Variants in HPSE2 observed in about 807,000 individuals in gnomAD.
The protein encoded by HPSE2 is inactive heparanase-2.
A neutral mutation model predicts 60.5 loss-of-function variants in HPSE2; 38 were observed. The ratio of observed to expected loss-of-function variants is 0.63; its 90% confidence interval spans 0.48 to 0.82. The LOEUF (loss-of-function observed/expected upper bound fraction) is 0.82, where lower values mean the gene tolerates loss of function less well. Ranked by LOEUF, HPSE2 falls within the 40% of genes least tolerant of loss-of-function variation. HPSE2 has a pLI of 0.00. For missense variants in HPSE2, 713 were observed against 740.4 expected (o/e 0.96, Z 0.43); for synonymous variants, 295 against 293.2 (o/e 1.01, Z -0.06).
intron 3 of HPSE2, among the ~76,000 whole-genome samples, chr10:98,866,215 A>G (rs142852345): frequency 8.3e-4 from 126 of 152,280 alleles, no homozygotes; most frequent in Non-Finnish European, 1.6e-3. Context: ...TGAAATCTAC[A>G]ATGTGTGAGA....
At chr10:99,021,101 A>G (rs1475479080) in intron 3 of HPSE2, among the ~76,000 whole-genome samples, 1 of 152,208 alleles carries the variant, frequency 6.6e-6, no homozygotes, top group Non-Finnish European at 1.5e-5. Flanking sequence ...AAAGCTTTAC[A>G]GTTTACACAC....
intron 3 of HPSE2, among the ~76,000 whole-genome samples, chr10:98,994,146 G>A (rs554072900): frequency 6.6e-6 from 1 of 152,284 alleles, no homozygotes; most frequent in South Asian, 2.1e-4. Context: ...TCAGCCTGAG[G>A]GTGGGGAAAA....
chr10:98,851,766 C>T (rs553998156), intron 3 of HPSE2, among the ~76,000 whole-genome samples: 8 of 152,252 alleles, frequency 5.3e-5, no homozygotes, highest in South Asian at 4.1e-4. Context: ...CTTCCACCTC[C>T]AAGAAAGTTT....
intron 3 of HPSE2, among the ~76,000 whole-genome samples, chr10:98,918,605 C>T (rs1458999162): frequency 1.4e-5 from 2 of 144,500 alleles, no homozygotes; most frequent in Non-Finnish European, 3.0e-5. Flanking sequence ...CGCATGTTCT[C>T]ACTCATAGAT....
intron 3 of HPSE2, among the ~76,000 whole-genome samples, chr10:99,006,738 C>G (rs538010943): frequency 1.6e-4 from 24 of 152,300 alleles, no homozygotes; most frequent in South Asian, 2.1e-4. Flanking sequence ...CTATGTCATG[C>G]CTGAAACCCA....
chr10:98,967,469 A>G (rs886152066), intron 3 of HPSE2, among the ~76,000 whole-genome samples: 2 of 152,190 alleles, frequency 1.3e-5, no homozygotes, highest in Non-Finnish European at 2.9e-5. Flanking sequence ...GCACAAATAT[A>G]AACTCTTTCT....
intron 3 of HPSE2, among the ~76,000 whole-genome samples, chr10:98,844,490 C>T (rs1430002660): frequency 6.6e-6 from 1 of 152,070 alleles, no homozygotes; most frequent in Admixed American, 6.6e-5. Flanking sequence ...AGAATTTGGA[C>T]CTTTGTCAAT....
chr10:98,761,963 T>G (rs1213526107), intron 3 of HPSE2, among the ~76,000 whole-genome samples: 1 of 151,762 alleles, frequency 6.6e-6, no homozygotes, highest in Non-Finnish European at 1.5e-5. Flanking sequence ...TTGAGAATAC[T>G]CATTTACCTT....
chr10:99,259,112 C>A, the HPSE2 span, among the ~76,000 whole-genome samples: 1 of 152,086 alleles, frequency 6.6e-6, no homozygotes, highest in Non-Finnish European at 1.5e-5. Context: ...TCAAGACCAG[C>A]CCGACCAACA....
chr10:98,600,920 T>TAC (rs1281774715), intron 9 of HPSE2, among the ~76,000 whole-genome samples: 3 of 43,856 alleles, frequency 6.8e-5, no homozygotes, highest in Middle Eastern at 0.012. Context: ...TGTATATATA[T>TAC]ATATATATAT....
At chr10:98,716,456 A>C (rs928395411) in intron 5 of HPSE2, among the ~76,000 whole-genome samples, 1 of 151,212 alleles carries the variant, frequency 6.6e-6, no homozygotes, top group Non-Finnish European at 1.5e-5. Flanking sequence ...TAAATAAATA[A>C]ATAAATAAAT....
intron 3 of HPSE2, among the ~76,000 whole-genome samples, chr10:99,033,700 G>A (rs772420952): frequency 5.9e-5 from 9 of 151,836 alleles, no homozygotes; most frequent in Admixed American, 1.3e-4. Context: ...GGAGAATAGC[G>A]TGAACCCAGG....
intron 9 of HPSE2, among the ~76,000 whole-genome samples, chr10:98,580,764 T>G (rs1181800268): frequency 3.3e-5 from 5 of 150,742 alleles, no homozygotes; most frequent in Non-Finnish European, 7.4e-5. Context: ...CTGAGCTGAA[T>G]ACCTATCAAG....
At chr10:99,045,549 A>C (rs879692061) in intron 3 of HPSE2, among the ~76,000 whole-genome samples, 1 of 152,104 alleles carries the variant, frequency 6.6e-6, no homozygotes, top group East Asian at 1.9e-4. Context: ...GAAGACAAGA[A>C]TTCATTCTCC....
At position 98,521,077 on chromosome 10, in the gene HPSE2, T is replaced by G. The variant is rs185657827; in HGVS notation, c.1321-30881A>C. Among the ~76,000 whole-genome samples, 721 of 152,348 alleles carry G rather than the reference T, an allele frequency of 4.7e-3. 8 individuals carry two copies. Among genetic ancestry groups the G allele is most frequent in the African/African-American group, 0.016 (682 of 41,574 alleles). ...GGCAATACCATTGAGGACATTGGCA[T>G]GGGCAAGGACTTCATGTCTAAAACA... On this transcript the variant is annotated intron_variant, in intron 9 of 11. Coordinates refer to ENST00000370552, the MANE Select transcript of HPSE2 (RefSeq NM_021828.5).
chr10:98,485,524 T>A (rs185037609), intron 10 of HPSE2, among the ~76,000 whole-genome samples: 1 of 152,312 alleles, frequency 6.6e-6, no homozygotes, highest in African/African-American at 2.4e-5. Context: ...CAGAAGAGAA[T>A]GCCAGTTGAT....
At chr10:98,822,281 G>A (rs1454201105) in intron 3 of HPSE2, among the ~76,000 whole-genome samples, 3 of 151,936 alleles carry the variant, frequency 2.0e-5, no homozygotes, top group African/African-American at 7.3e-5. Flanking sequence ...TTTGGCAAAT[G>A]GATTTCATTC....
intron 3 of HPSE2, among the ~76,000 whole-genome samples, chr10:98,755,922 G>A (rs979786766): frequency 3.3e-5 from 5 of 152,152 alleles, no homozygotes; most frequent in Admixed American, 6.5e-5. Context: ...CTTGAACCAG[G>A]GAGTTGGAGG....
rs7078552 is a variant in HPSE2, at chr10:99,171,401, T to C, written c.449-27002A>G. Among the ~76,000 whole-genome samples the C allele has an allele frequency of 1.8e-3, 269 of 152,086 alleles. 2 individuals are homozygous for C. The highest frequency in any genetic ancestry group is 6.3e-3 in the African/African-American group (261 of 41,492). ...AGTCTGGAGAAGCCCTCATGGAAGA[T>C]GAACTCAGCCATAAAGACAGAATTT... On this transcript the variant is annotated intron_variant, in intron 2 of 11. Coordinates refer to ENST00000370552, the MANE Select transcript of HPSE2 (RefSeq NM_021828.5).
Sources: allele counts gnomAD v4.1 joint callset (sites outside exome capture counted in the v4.1 genomes callset), GRCh38; gene constraint gnomAD v4.1.1; transcripts MANE v1.5; gene names NCBI Gene and HGNC (gene_info 2026-07-23, HGNC 2026-07-21).